Variants in GNAL observed in about 807,000 individuals in gnomAD.
GNAL encodes the protein G protein subunit alpha L.
In GNAL, 18 loss-of-function variants were observed where a neutral mutation model predicts 55.1. That is an observed-to-expected ratio of 0.33 (90% CI 0.23 to 0.48). GNAL has a LOEUF of 0.48. Ranked by LOEUF, GNAL falls within the 20% of genes least tolerant of loss-of-function variation. The pLI, the probability that GNAL is intolerant of heterozygous loss-of-function variation, is 0.99. For missense variants in GNAL, 412 were observed against 614.1 expected, an observed-to-expected ratio of 0.67 and a Z score of 3.48; for synonymous variants, 253 against 237.0, an observed-to-expected ratio of 1.07 and a Z score of -0.62.
In GNAL at chr18:11,882,878, A is replaced by G. The variant is rs1217814548; in HGVS notation, c.*1743A>G. ...CAGCCTCAAACATTATGACACACCAACAATATCTAGAAAGTAAGAACTGGT... is the reference window on the plus strand; with the variant it reads ...CAGCCTCAAACATTATGACACACCAGCAATATCTAGAAAGTAAGAACTGGT... On this transcript the variant is annotated 3_prime_UTR_variant, in exon 12 of 12. Transcript: ENST00000334049. 1 of 152,174 alleles carries G rather than the reference A, an allele frequency of 6.6e-6. No individual in the cohort carries two copies. Among genetic ancestry groups the G allele is most frequent in the Non-Finnish European group, 1.5e-5 (1 of 68,036 alleles). The allele number at this position is 152,174 out of a possible 1,614,324, so 9.4% of individuals were successfully genotyped here. A position where few individuals can be genotyped will look rare whatever the true frequency, so the allele number is the denominator to read the frequency against.
intron 1 of GNAL, among the ~76,000 whole-genome samples, chr18:11,741,708 G>C (rs919938956): frequency 8.5e-5 from 13 of 152,128 alleles, no homozygotes; most frequent in Non-Finnish European, 1.6e-4. Flanking sequence ...TGTCCCCCAG[G>C]CTCCATGTTG....
In GNAL at chr18:11,726,771, A is replaced by G. The variant is rs567790687; in HGVS notation, c.377-26082A>G. On this transcript the variant is annotated intron_variant, in intron 1 of 11. Coordinates refer to ENST00000334049, the MANE Select transcript of GNAL (RefSeq NM_182978.4). ...GAGTCAAAGCATGAGATTCACCATC[A>G]AAAACAGACAGGTAGTGTTAAGTTC... Among the ~76,000 whole-genome samples the G allele has an allele frequency of 9.2e-5, 14 of 152,310 alleles. 1 individual carries two copies. In the South Asian group the frequency reaches 2.9e-3, roughly 32 times the overall value.
intron 4 of GNAL, among the ~76,000 whole-genome samples, chr18:11,809,249 C>T (rs2143556970): frequency 6.8e-6 from 1 of 147,726 alleles, no homozygotes; most frequent in East Asian, 2.1e-4. Flanking sequence ...CAGAGCGAGA[C>T]TCTATCTCAA....
At chr18:11,801,007 A>G (rs1001986795) in intron 4 of GNAL, among the ~76,000 whole-genome samples, 4 of 152,248 alleles carry the variant, frequency 2.6e-5, no homozygotes, top group African/African-American at 9.6e-5. Flanking sequence ...CCTAATTCAC[A>G]TAGGCTTTTG....
chr18:11,692,645 G>A (rs1308430313), intron 1 of GNAL, among the ~76,000 whole-genome samples: 2 of 151,930 alleles, frequency 1.3e-5, no homozygotes, highest in African/African-American at 2.4e-5. Flanking sequence ...GAGACACAGC[G>A]GTGGCTCACG....
rs183381715 is a variant in GNAL at position 11,731,868 on chromosome 18, C to G, written c.377-20985C>G. Among the ~76,000 whole-genome samples, 100 of 152,328 alleles carry G rather than the reference C, an allele frequency of 6.6e-4. 1 individual carries two copies. The Middle Eastern group carries it at 0.014, about 21-fold the overall frequency. ...CCCCGTTTCCCCTCCTGCTCTTCCT[C>G]CCAACAACCATTAGTCTATTTTCTC... On this transcript the variant is annotated intron_variant, in intron 1 of 11. Coordinates refer to ENST00000334049, the MANE Select transcript of GNAL (RefSeq NM_182978.4).
intron 1 of GNAL, 33 bp downstream of exon 1, chr18:11,689,972 C>G (rs770282434): frequency 7.6e-6 from 9 of 1,190,250 alleles, no homozygotes; most frequent in Non-Finnish European, 9.5e-6. Context: ...GCTGACGCCC[C>G]GGGGACAGCG....
intron 1 of GNAL, among the ~76,000 whole-genome samples, chr18:11,748,855 T>C (rs1342985230): frequency 6.6e-6 from 1 of 152,162 alleles, no homozygotes; most frequent in Non-Finnish European, 1.5e-5. Context: ...CCAGGCGCAG[T>C]AGCTCAGGTC....
intron 5 of GNAL, among the ~76,000 whole-genome samples, chr18:11,850,078 C>T (rs2035823651): frequency 6.6e-6 from 1 of 152,182 alleles, no homozygotes; most frequent in Non-Finnish European, 1.5e-5. Context: ...GATGCATGGA[C>T]ACTAAAATCC....
At position 11,714,702 on chromosome 18, in the gene GNAL, G is replaced by T. The variant is rs2031912732; in HGVS notation, c.376+24763G>T. ...TCCTTGTGAGCAGTTAGTGAGGGAG[G>T]CCACCTGGGGAGATAGGTGACCTAT... On this transcript the variant is annotated intron_variant, in intron 1 of 11. Transcript: ENST00000334049. Among the ~76,000 whole-genome samples, 2 of 152,178 alleles carry T rather than the reference G, an allele frequency of 1.3e-5. 1 individual carries two copies. The highest frequency in any genetic ancestry group is 4.1e-4 in the South Asian group (2 of 4,824).
intron 4 of GNAL, among the ~76,000 whole-genome samples, chr18:11,777,722 A>G (rs2143328672): frequency 6.6e-6 from 1 of 152,304 alleles, no homozygotes; most frequent in African/African-American, 2.4e-5. Flanking sequence ...GTATATACAT[A>G]TGTTAAAAGT....
intron 1 of GNAL, 74 bp downstream of exon 1, chr18:11,690,013 G>C: frequency 1.1e-6 from 1 of 922,192 alleles, no homozygotes; most frequent in Non-Finnish European, 1.4e-6. Context: ...CGGGCACCGG[G>C]GAGCGGTGGC....
At chr18:11,814,929 A>C (rs538340856) in intron 4 of GNAL, among the ~76,000 whole-genome samples, 1 of 151,968 alleles carries the variant, frequency 6.6e-6, no homozygotes, top group South Asian at 2.1e-4. Flanking sequence ...GATTTCATAG[A>C]AGTAGAGAGT....
chr18:11,851,243 CCCGCCGCA>C (rs1159708166), intron 5 of GNAL, among the ~76,000 whole-genome samples: 4 of 152,214 alleles, frequency 2.6e-5, no homozygotes, highest in Non-Finnish European at 1.5e-5. Flanking sequence ...GCGAGCGTTC[CCCGCCGCA>C]GCGCCGGAGC....
intron 5 of GNAL, among the ~76,000 whole-genome samples, chr18:11,832,132 G>A (rs186764654): frequency 5.9e-5 from 9 of 152,028 alleles, no homozygotes; most frequent in Admixed American, 3.3e-4. Context: ...CCATGGAAAC[G>A]GTTATTTTGG....
At chr18:11,843,636 A>C (rs900023171) in intron 5 of GNAL, among the ~76,000 whole-genome samples, 1 of 152,212 alleles carries the variant, frequency 6.6e-6, no homozygotes, top group African/African-American at 2.4e-5. Context: ...TTGATTTCTA[A>C]TACCATTTTG....
intron 10 of GNAL, among the ~76,000 whole-genome samples, chr18:11,875,382 A>T (rs2036507212): frequency 6.6e-6 from 1 of 152,166 alleles, no homozygotes; most frequent in Admixed American, 6.5e-5. Context: ...TGGTGATAGG[A>T]TTTAGATCTG....
intron 5 of GNAL, among the ~76,000 whole-genome samples, chr18:11,850,785 T>G (rs1459519818): frequency 6.6e-6 from 1 of 152,196 alleles, no homozygotes; most frequent in Non-Finnish European, 1.5e-5. Flanking sequence ...AAGCTGAACT[T>G]CCAGACAAAG....
intron 4 of GNAL, among the ~76,000 whole-genome samples, chr18:11,779,623 G>T (rs141816058): frequency 0.03 from 4,535 of 152,248 alleles, 94 homozygotes; most frequent in Non-Finnish European, 0.044. Context: ...GTTCTTTGGG[G>T]AGTGAAAATG....
Sources: gnomAD v4.1 joint callset for allele counts (sites outside exome capture counted in the v4.1 genomes callset) on GRCh38, gnomAD v4.1.1 for gene constraint, MANE v1.5 for transcripts, NCBI Gene and HGNC (gene_info 2026-07-23, HGNC 2026-07-21) for gene names.